Variants in STARD13 observed in about 807,000 individuals in gnomAD.
STARD13 encodes the protein stAR-related lipid transfer protein 13.
Under a neutral mutation model 106.4 loss-of-function variants are expected in STARD13, and 62 were observed. The ratio of observed to expected loss-of-function variants is 0.58; its 90% confidence interval spans 0.48 to 0.72. The LOEUF (loss-of-function observed/expected upper bound fraction) is 0.72, where lower values mean the gene tolerates loss of function less well. Among genes scored for constraint, STARD13 ranks in the 30% least tolerant of loss-of-function variants. STARD13 has a pLI of 0.00. For synonymous variants in STARD13, 565 were observed against 553.0 expected (o/e 1.02, Z -0.31); for missense variants, 1,387 against 1,424.0 (o/e 0.97, Z 0.42).
the STARD13 span, among the ~76,000 whole-genome samples, chr13:33,513,901 AG>A: frequency 1.3e-5 from 2 of 152,186 alleles, no homozygotes; most frequent in Non-Finnish European, 2.9e-5. Context: ...TAACGTAACA[AG>A]GAAGATAATT....
At chr13:33,154,338 C>A (rs979422159) in intron 3 of STARD13, among the ~76,000 whole-genome samples, 20 of 152,130 alleles carry the variant, frequency 1.3e-4, no homozygotes, top group Admixed American at 4.6e-4. Context: ...ACCTCTGTTC[C>A]AGTCCATAAA....
At chr13:33,267,849 G>T (rs1313052676) in intron 1 of STARD13, among the ~76,000 whole-genome samples, 1 of 152,168 alleles carries the variant, frequency 6.6e-6, no homozygotes, top group African/African-American at 2.4e-5. Flanking sequence ...TTCCCTCTCA[G>T]CTGTGGAAGA....
chr13:33,527,627 G>C, the STARD13 span, among the ~76,000 whole-genome samples: 52 of 152,010 alleles, frequency 3.4e-4, no homozygotes, highest in South Asian at 0.011. Flanking sequence ...GAGAAATAAA[G>C]AGTTGATTCC....
At chr13:33,672,863 A>G in the STARD13 span, among the ~76,000 whole-genome samples, 1 of 152,258 alleles carries the variant, frequency 6.6e-6, no homozygotes, top group Non-Finnish European at 1.5e-5. Context: ...ACAAAACAAT[A>G]TAACTATATT....
intron 4 of STARD13, among the ~76,000 whole-genome samples, chr13:33,132,087 C>T (rs1288316482): frequency 6.6e-6 from 1 of 152,180 alleles, no homozygotes; most frequent in Admixed American, 6.5e-5. Flanking sequence ...TTTATTCCTT[C>T]AAAATCTAGT....
chr13:33,398,794 C>G, the STARD13 span, among the ~76,000 whole-genome samples: 2 of 152,202 alleles, frequency 1.3e-5, no homozygotes, highest in African/African-American at 2.4e-5. Flanking sequence ...CTGGAACCCT[C>G]ATACATTGCT....
At chr13:33,636,792 C>G in the STARD13 span, among the ~76,000 whole-genome samples, 2 of 152,306 alleles carry the variant, frequency 1.3e-5, no homozygotes, top group Admixed American at 6.5e-5. Flanking sequence ...CGTCAGGACC[C>G]TGGATCCATT....
chr13:33,472,724 C>T, the STARD13 span, among the ~76,000 whole-genome samples: 2 of 152,124 alleles, frequency 1.3e-5, no homozygotes, highest in African/African-American at 4.8e-5. Context: ...CAAAAATGCA[C>T]CCAAGAAATA....
At chr13:33,168,247 C>A (rs923048921) in intron 1 of STARD13, among the ~76,000 whole-genome samples, 2 of 151,982 alleles carry the variant, frequency 1.3e-5, no homozygotes, top group African/African-American at 2.4e-5. Flanking sequence ...CTGTAGAGTG[C>A]GGCATAGAAG....
chr13:33,112,033 TCAC>T, intron 9 of STARD13, 141 bp from the exon 10 acceptor site: 1 of 596,928 alleles, frequency 1.7e-6, no homozygotes, highest in Admixed American at 2.7e-5. Flanking sequence ...AAAACAATGA[TCAC>T]ATATCTTAGA....
chr13:33,358,052 C>T, the STARD13 span, among the ~76,000 whole-genome samples: 3 of 152,224 alleles, frequency 2.0e-5, no homozygotes, highest in Admixed American at 6.5e-5. Flanking sequence ...TGGGCGTGGG[C>T]TTGGCGGGCC....
intron 1 of STARD13, among the ~76,000 whole-genome samples, chr13:33,269,436 T>C (rs961897110): frequency 6.6e-6 from 1 of 152,184 alleles, no homozygotes; most frequent in Non-Finnish European, 1.5e-5. Flanking sequence ...CGGTGTGACA[T>C]TGGGGTCCTT....
chr13:33,467,312 C>A, the STARD13 span, among the ~76,000 whole-genome samples: 1 of 151,894 alleles, frequency 6.6e-6, no homozygotes, highest in Non-Finnish European at 1.5e-5. Flanking sequence ...AACCTAGAAA[C>A]CCTTGCATGC....
chr13:33,264,537 C>T (rs1420749549), intron 1 of STARD13, among the ~76,000 whole-genome samples: 1 of 152,188 alleles, frequency 6.6e-6, no homozygotes, highest in East Asian at 1.9e-4. Flanking sequence ...TCTTTCTTGA[C>T]ACATAGAAGG....
the STARD13 span, among the ~76,000 whole-genome samples, chr13:33,371,935 G>T: frequency 6.6e-6 from 1 of 152,128 alleles, no homozygotes; most frequent in African/African-American, 2.4e-5. Flanking sequence ...TGAAAGAATT[G>T]ATTGCATCTC....
the STARD13 span, among the ~76,000 whole-genome samples, chr13:33,498,152 C>G: frequency 6.6e-6 from 1 of 152,102 alleles, no homozygotes; most frequent in Non-Finnish European, 1.5e-5. Flanking sequence ...TCTTTGCAAA[C>G]AGAGAAAAAT....
In STARD13 at chr13:33,129,519, T is replaced by C. The variant is rs495680; in HGVS notation, c.1158A>G (p.Glu386=). The C allele has an allele frequency of 0.61, 987,756 of 1,613,840 alleles. 305,961 individuals are homozygous for C. Among genetic ancestry groups the C allele is most frequent in the Non-Finnish European group, 0.64 (749,668 of 1,179,950 alleles). ...PDAGDQSRMH[E]FHSQENLVVH... Reference sequence around the variant, plus strand: ...CCACCAAATTCTCTTGGGAGTGAAATTCATGCATACGGCTTTGGTCCCCTG... The same window carrying C: ...CCACCAAATTCTCTTGGGAGTGAAACTCATGCATACGGCTTTGGTCCCCTG... The change falls in exon 5 of 14, where the codon GAA becomes GAG. Residue 386 remains glutamate (E), a synonymous_variant. Transcript: ENST00000336934.
At chr13:33,148,522 C>T (rs1221190093) in intron 3 of STARD13, among the ~76,000 whole-genome samples, 1 of 152,148 alleles carries the variant, frequency 6.6e-6, no homozygotes, top group African/African-American at 2.4e-5. Context: ...CTAAAACATC[C>T]ATGAGATACA....
At chr13:33,280,942 C>T (rs1339229408) in intron 1 of STARD13, 1 of 152,134 alleles carries the variant, frequency 6.6e-6, no homozygotes, top group Non-Finnish European at 1.5e-5. Flanking sequence ...ACCTAACTTC[C>T]ACTTTACCAT....
Sources: allele counts gnomAD v4.1 joint callset (sites outside exome capture counted in the v4.1 genomes callset), GRCh38; gene constraint gnomAD v4.1.1; transcripts MANE v1.5; gene names NCBI Gene and HGNC (gene_info 2026-07-23, HGNC 2026-07-21).